CGNL1: variants seen among roughly 807,000 people sequenced by gnomAD.
CGNL1 encodes cingulin like 1.
Under a neutral mutation model 141.2 loss-of-function variants are expected in CGNL1, and 132 were observed. That is an observed-to-expected ratio of 0.93 (90% CI 0.81 to 1.08). CGNL1 has a LOEUF of 1.08. CGNL1 is among the 50% of genes least tolerant of loss of function. CGNL1 has a pLI of 0.00. For synonymous variants in CGNL1, 690 were observed against 622.1 expected, an observed-to-expected ratio of 1.11 and a Z score of -1.63; for missense variants, 1,870 against 1,588.6, an observed-to-expected ratio of 1.18 and a Z score of -3.01.
intron 4 of CGNL1, 59 bp downstream of exon 4, chr15:57,442,537 T>G: frequency 9.5e-7 from 1 of 1,052,724 alleles, no homozygotes; most frequent in East Asian, 2.4e-5. Flanking sequence ...GTAAACAACT[T>G]GCTGTTTCTT....
Position 57,439,390 on chromosome 15 carries a change from C to T in CGNL1, c.1391C>T (p.Pro464Leu), listed in dbSNP as rs752023839. The change falls in exon 2 of 19, where the codon CCG becomes CTG. Residue 464 changes from proline to leucine, a missense_variant. Pro to Leu is a moderately conservative substitution (Grantham distance 98). Coordinates refer to ENST00000281282, the MANE Select transcript of CGNL1 (RefSeq NM_032866.5). The part of the protein sequence containing the change: ...ASCAHSRPPQ[P>L]NIDGKVLETE... ...TGTGCCCACTCCAGGCCTCCCCAGC[C>T]GAACATAGATGGGAAAGTTCTGGAA... 2.0e-5 allele frequency: 32 copies of T among 1,614,166 alleles called. 1 individual carries two copies. The highest frequency in any genetic ancestry group is 2.7e-5 in the Non-Finnish European group (32 of 1,180,030).
At chr15:57,490,566 G>A (rs1052555704) in intron 8 of CGNL1, among the ~76,000 whole-genome samples, 14 of 152,162 alleles carry the variant, frequency 9.2e-5, no homozygotes, top group African/African-American at 3.1e-4. Context: ...TCACACTGAT[G>A]TAACAAGTAA....
Position 57,544,564 on chromosome 15 carries a change from CGGAGCT to C in CGNL1, c.3472_3477del (p.Leu1158_Glu1159del), listed in dbSNP as rs1281864928. On this transcript the variant is annotated inframe_deletion, in exon 16 of 19. Coordinates refer to ENST00000281282, the MANE Select transcript of CGNL1 (RefSeq NM_032866.5). ...GTTGTGCAGATGGAGGCCAGGATCG[CGGAGCT>C]GGAGGACCGCCTGGAGAGTGAGGAG... The C allele has an allele frequency of 1.2e-6, 2 of 1,601,016 alleles. No individual in the cohort carries two copies. The highest frequency in any genetic ancestry group is 1.7e-4 in the Middle Eastern group (1 of 6,050).
In CGNL1 at chr15:57,539,066, G is replaced by A. The variant is rs182048712; in HGVS notation, c.3292-4630G>A. Among the ~76,000 whole-genome samples the A allele has an allele frequency of 6.8e-3, 1,037 of 152,158 alleles. 9 individuals carry two copies. The highest frequency in any genetic ancestry group is 0.012 in the Non-Finnish European group (834 of 68,000). The stretch of plus-strand genomic sequence containing the variant: ...CCAGCTTGAGGGGCTCTTGATTCTT[G>A]GTGTTTCCCCTCTGGGTCTCCTGGC... On this transcript the variant is annotated intron_variant, in intron 14 of 18. Transcript: ENST00000281282.
chr15:57,511,002 C>T (rs753671701), intron 8 of CGNL1, among the ~76,000 whole-genome samples: 1 of 146,822 alleles, frequency 6.8e-6, no homozygotes, highest in Non-Finnish European at 1.5e-5. Context: ...AGAACTTGGC[C>T]GAGGACGTGG....
intron 8 of CGNL1, among the ~76,000 whole-genome samples, chr15:57,487,906 C>G (rs958834278): frequency 1.3e-5 from 2 of 152,108 alleles, no homozygotes; most frequent in Non-Finnish European, 2.9e-5. Flanking sequence ...CATGGACGGA[C>G]GTTTTCATTT....
chr15:57,439,671 C>G (rs1241010860), intron 2 of CGNL1, 70 bp downstream of exon 2: 2 of 1,416,338 alleles, frequency 1.4e-6, no homozygotes, highest in African/African-American at 2.8e-5. Flanking sequence ...TGTACTTATG[C>G]TGCAGGAGGC....
intron 8 of CGNL1, among the ~76,000 whole-genome samples, chr15:57,476,773 G>A (rs1036567792): frequency 6.6e-6 from 1 of 152,214 alleles, no homozygotes; most frequent in Non-Finnish European, 1.5e-5. Flanking sequence ...TTAGTTTCAT[G>A]AAAGACAAAA....
intron 12 of CGNL1, among the ~76,000 whole-genome samples, chr15:57,526,842 G>A (rs2031645908): frequency 6.6e-6 from 1 of 152,076 alleles, no homozygotes; most frequent in African/African-American, 2.4e-5. Context: ...GTGGAAGGTG[G>A]GGCTGTGCTG....
At chr15:57,473,572 A>G (rs1413001692) in intron 8 of CGNL1, among the ~76,000 whole-genome samples, 1 of 152,170 alleles carries the variant, frequency 6.6e-6, no homozygotes, top group African/African-American at 2.4e-5. Flanking sequence ...ATAGGATATT[A>G]TGGAAATGAT....
chr15:57,380,899 A>G (rs2062417163), intron 1 of CGNL1, among the ~76,000 whole-genome samples: 1 of 152,198 alleles, frequency 6.6e-6, no homozygotes, highest in South Asian at 2.1e-4. Context: ...TGAAAGCCGC[A>G]GCTGCAGCAC....
chr15:57,543,306 C>T (rs1203507825), intron 14 of CGNL1, among the ~76,000 whole-genome samples: 1 of 152,096 alleles, frequency 6.6e-6, no homozygotes, highest in African/African-American at 2.4e-5. Context: ...TTTTAAAGGA[C>T]ACCAGCCATA....
In CGNL1 at chr15:57,442,411, A is replaced by C; in HGVS notation, c.1736A>C (p.Asn579Thr). ...DNDDATKRKV[N>T]LVFEKIQTLK... The stretch of plus-strand genomic sequence containing the variant: ...GACGATGCTACTAAAAGGAAAGTCA[A>C]CTTGGTCTTTGAGAAAATCCAGACC... Residue 579 changes from asparagine to threonine, a missense_variant, in exon 4 of 19, where the codon AAC becomes ACC. Coordinates refer to ENST00000281282, the MANE Select transcript of CGNL1 (RefSeq NM_032866.5). 1.2e-6 allele frequency: 2 copies of C among 1,613,768 alleles called. No individual in the cohort carries two copies. The highest frequency in any genetic ancestry group is 1.7e-6 in the Non-Finnish European group (2 of 1,179,748).
chr15:57,401,013 G>A (rs1305399650), intron 1 of CGNL1, among the ~76,000 whole-genome samples: 1 of 151,032 alleles, frequency 6.6e-6, no homozygotes, highest in Non-Finnish European at 1.5e-5. Context: ...TTAAGGATTT[G>A]ATAATTTTTT....
At chr15:57,472,215 A>G (rs2063590986) in intron 8 of CGNL1, among the ~76,000 whole-genome samples, 1 of 152,180 alleles carries the variant, frequency 6.6e-6, no homozygotes, top group Non-Finnish European at 1.5e-5. Context: ...TTAAAAATCC[A>G]GAGACTGGTC....
intron 7 of CGNL1, among the ~76,000 whole-genome samples, chr15:57,458,915 A>T (rs1037777555): frequency 6.6e-5 from 10 of 152,142 alleles, no homozygotes; most frequent in Admixed American, 6.5e-4. Context: ...TAGATTCTTG[A>T]TGGGCAAAAT....
At chr15:57,542,722 G>C (rs1374194407) in intron 14 of CGNL1, among the ~76,000 whole-genome samples, 3 of 152,220 alleles carry the variant, frequency 2.0e-5, no homozygotes, top group African/African-American at 4.8e-5. Context: ...CAGGAGCACA[G>C]GTGAATGCTA....
At chr15:57,450,321 G>T (rs370160806) in intron 4 of CGNL1, among the ~76,000 whole-genome samples, 1 of 152,202 alleles carries the variant, frequency 6.6e-6, no homozygotes, top group Admixed American at 6.5e-5. Flanking sequence ...CTGTCACCCA[G>T]TCTGGAGTGC....
chr15:57,453,156 T>C (rs1302369228), intron 6 of CGNL1, among the ~76,000 whole-genome samples: 1 of 152,150 alleles, frequency 6.6e-6, no homozygotes, highest in African/African-American at 2.4e-5. Context: ...GGTCATATAG[T>C]CTGTTGCACA....
Sources: gnomAD v4.1 joint callset for allele counts (sites outside exome capture counted in the v4.1 genomes callset) on GRCh38, gnomAD v4.1.1 for gene constraint, MANE v1.5 for transcripts, NCBI Gene and HGNC (gene_info 2026-07-23, HGNC 2026-07-21) for gene names.